The following LRP5 variants were observed in gnomAD, a reference collection of about 807,000 sequenced individuals.
LRP5 encodes the protein LDL receptor related protein 5.
Under a neutral mutation model 154.1 loss-of-function variants are expected in LRP5, and 62 were observed. The ratio of observed to expected loss-of-function variants is 0.40; its 90% CI spans 0.33 to 0.50. The LOEUF (loss-of-function observed/expected upper bound fraction) is 0.50. Ranked by LOEUF, LRP5 falls within the 20% of genes least tolerant of loss-of-function variation. The probability of loss-of-function intolerance (pLI) is 0.55; values close to 1 mark genes in which losing one functional copy is unlikely to be tolerated. For missense variants in LRP5, 1,915 were observed against 2,336.7 expected (o/e 0.82, Z 3.72); for synonymous variants, 966 against 1,011.5 (o/e 0.96, Z 0.85).
At chr11:68,355,430 C>T (rs1263360099) in intron 2 of LRP5, among the ~76,000 whole-genome samples, 1 of 152,232 alleles carries the variant, frequency 6.6e-6, no homozygotes, top group Non-Finnish European at 1.5e-5. Context: ...GCACTGTCCC[C>T]TTTCTCTGCT....
chr11:68,315,355 T>G (rs1210163592), intron 1 of LRP5, among the ~76,000 whole-genome samples: 2 of 152,230 alleles, frequency 1.3e-5, no homozygotes, highest in African/African-American at 2.4e-5. Context: ...CTGTATGACC[T>G]TGGACATCCA....
At chr11:68,400,166 C>A (rs1157463833) in intron 7 of LRP5, among the ~76,000 whole-genome samples, 1 of 152,152 alleles carries the variant, frequency 6.6e-6, no homozygotes, top group South Asian at 2.1e-4. Context: ...GGTGGAACAG[C>A]CCGTCGCCTC....
chr11:68,357,567 G>A lies in LRP5; in HGVS notation c.489-83G>A, dbSNP rs1226372281. 3 of 1,288,206 alleles carry A rather than the reference G, an allele frequency of 2.3e-6. No homozygotes were observed. The Admixed American group carries it at 5.8e-5, about 25-fold the overall frequency. The allele number at this position is 1,288,206 out of a possible 1,614,324, so 79.8% of individuals were successfully genotyped here. ...AGATTTTAGGGCAAGTTCACTGTCT[G>A]TTGTTTCATGTCTGCATCTATGCAG... is the stretch of plus-strand genomic sequence containing the variant. On this transcript the variant is annotated intron_variant, in intron 2 of 22. Coordinates refer to ENST00000294304, the MANE Select transcript of LRP5 (RefSeq NM_002335.4).
rs751784556 is a variant in LRP5, at chr11:68,357,714, A to C, written c.553A>C (p.Thr185Pro). ...TGAGCGGGCAGGGATGGATGGCAGC[A>C]CCCGGAAGATCATTGTGGACTCGGA... Reference protein sequence around the residue: ...RIERAGMDGSTRKIIVDSDIY... With the variant: ...RIERAGMDGSPRKIIVDSDIY... Residue 185 changes from threonine to proline, a missense_variant, in exon 3 of 23, where the codon ACC becomes CCC. By Grantham distance (38) the Thr-to-Pro change is conservative. Coordinates refer to ENST00000294304, the MANE Select transcript of LRP5 (RefSeq NM_002335.4). 1.2e-6 allele frequency: 2 copies of C among 1,614,166 alleles called. No individual in the cohort carries two copies. Among genetic ancestry groups the C allele is most frequent in the Non-Finnish European group, 1.7e-6 (2 of 1,180,020 alleles).
intron 1 of LRP5, among the ~76,000 whole-genome samples, chr11:68,343,037 C>T (rs569258614): frequency 7.2e-5 from 11 of 152,342 alleles, no homozygotes; most frequent in Non-Finnish European, 1.2e-4. Flanking sequence ...TGCCTTTACC[C>T]GGGTTCCCCT....
At chr11:68,304,668 A>G in the LRP5 span, among the ~76,000 whole-genome samples, 1 of 152,254 alleles carries the variant, frequency 6.6e-6, no homozygotes, top group Non-Finnish European at 1.5e-5. Flanking sequence ...GCAGGAATAG[A>G]GCTGCCCAAG....
At chr11:68,361,288 G>A (rs1452147576) in intron 3 of LRP5, among the ~76,000 whole-genome samples, 1 of 149,174 alleles carries the variant, frequency 6.7e-6, no homozygotes, top group African/African-American at 2.5e-5. Flanking sequence ...CTGGGCTACA[G>A]AGCGAGACTC....
Position 68,433,675 on chromosome 11 carries a change from C to T in LRP5, c.3837C>T (p.Arg1279=), listed in dbSNP as rs372930578. The T allele has an allele frequency of 6.6e-5, 106 of 1,613,350 alleles. No homozygotes were observed. The highest frequency in any genetic ancestry group is 1.6e-4 in the Middle Eastern group (1 of 6,084). The change falls in exon 18 of 23, where the codon CGC becomes CGT. Residue 1279 remains arginine (R), a synonymous_variant. Transcript: ENST00000294304. ...GEIDCIPGAW[R]CDGFPECDDQ... ...TCGACTGTATCCCCGGGGCCTGGCG[C>T]TGTGACGGCTTTCCCGAGTGCGATG...
At chr11:68,418,703 G>A (rs927796190) in intron 13 of LRP5, among the ~76,000 whole-genome samples, 6 of 152,174 alleles carry the variant, frequency 3.9e-5, no homozygotes, top group African/African-American at 7.2e-5. Flanking sequence ...AAAGTCAGCC[G>A]AATTGAAATT....
At position 68,410,110 on chromosome 11, in the gene LRP5, C is replaced by T. The variant is rs948083385; in HGVS notation, c.2288C>T (p.Pro763Leu). Residue 763 changes from proline to leucine, a missense_variant, in exon 10 of 23, where the codon CCG becomes CTG. Pro to Leu is a moderately conservative substitution (Grantham distance 98). This residue lies in a region of LRP5 where 773 missense variants were observed against 1,100.9 expected (regional missense o/e 0.70). Coordinates refer to ENST00000294304, the MANE Select transcript of LRP5 (RefSeq NM_002335.4). ...CTCGTGTGGAGGGACTTGGACAACC[C>T]GAGGTCGCTGGCCCTGGATCCCACC... The part of the protein sequence containing the change: ...QVLVWRDLDN[P>L]RSLALDPTKG... 1.2e-6 allele frequency: 2 copies of T among 1,613,854 alleles called. No homozygotes were observed. The highest frequency in any genetic ancestry group is 8.5e-7 in the Non-Finnish European group (1 of 1,180,008).
intron 1 of LRP5, among the ~76,000 whole-genome samples, 180 bp from the exon 2 acceptor site, chr11:68,347,667 T>C (rs1403936349): frequency 6.6e-6 from 1 of 152,166 alleles, no homozygotes; most frequent in Non-Finnish European, 1.5e-5. Context: ...CTCTGAATGA[T>C]GCGGGCCGGG....
intron 1 of LRP5, among the ~76,000 whole-genome samples, chr11:68,342,887 T>A (rs560968756): frequency 6.6e-6 from 1 of 152,340 alleles, no homozygotes; most frequent in Non-Finnish European, 1.5e-5. Context: ...GAGCTGGGGC[T>A]TTTGTACCCA....
At chr11:68,322,694 G>GCCTC (rs1455476074) in intron 1 of LRP5, among the ~76,000 whole-genome samples, 2 of 152,258 alleles carry the variant, frequency 1.3e-5, no homozygotes, top group Admixed American at 1.3e-4. Context: ...TGAGGCCAAG[G>GCCTC]CCTCATCTGT....
rs986620571 is a variant in LRP5 at position 68,437,297 on chromosome 11, G to A, written c.4111+298G>A. ...GACCTTGCTGAGCAGCGTCTGTCAGGCAGCAAGATTACCCGAGGGCTGCAG... is the reference window on the plus strand; with the variant it reads ...GACCTTGCTGAGCAGCGTCTGTCAGACAGCAAGATTACCCGAGGGCTGCAG... On this transcript the variant is annotated intron_variant, in intron 19 of 22. Transcript: ENST00000294304. Among the ~76,000 whole-genome samples, 3 of 152,350 alleles carry A rather than the reference G, an allele frequency of 2.0e-5. No homozygotes were observed. In the East Asian group the frequency reaches 5.8e-4, roughly 29 times the overall value.
intron 6 of LRP5, 39 bp from the exon 7 acceptor site, chr11:68,389,838 CCAGA>C: frequency 1.2e-6 from 2 of 1,611,418 alleles, no homozygotes; most frequent in Non-Finnish European, 1.7e-6. Context: ...GCTGCAGAGA[CCAGA>C]CAGACTCATG....
At chr11:68,328,675 T>C (rs1478289007) in intron 1 of LRP5, among the ~76,000 whole-genome samples, 1 of 152,232 alleles carries the variant, frequency 6.6e-6, no homozygotes, top group Admixed American at 6.5e-5. Flanking sequence ...GGCACCGCAG[T>C]CTGCACCTCC....
chr11:68,396,149 C>T (rs1338034217), intron 7 of LRP5, among the ~76,000 whole-genome samples: 1 of 152,022 alleles, frequency 6.6e-6, no homozygotes, highest in African/African-American at 2.4e-5. Flanking sequence ...GTGCAAGGAG[C>T]CACGGCTCCT....
chr11:68,417,728 G>A (rs933205669), intron 13 of LRP5, among the ~76,000 whole-genome samples: 6 of 151,768 alleles, frequency 4.0e-5, no homozygotes, highest in African/African-American at 1.5e-4. Context: ...TGAGGTCAGG[G>A]GTTCGAGACC....
chr11:68,359,790 G>GT (rs769629929), intron 3 of LRP5, among the ~76,000 whole-genome samples: 1,402 of 138,324 alleles, frequency 0.01, 9 homozygotes, highest in African/African-American at 0.027. Context: ...TTGTTTGTTT[G>GT]TTTTTTTTTT....
Sources: allele counts gnomAD v4.1 joint callset (sites outside exome capture counted in the v4.1 genomes callset), GRCh38; gene constraint gnomAD v4.1.1; regional missense constraint gnomAD v4.1.1; transcripts MANE v1.5; gene names NCBI Gene and HGNC (gene_info 2026-07-23, HGNC 2026-07-21).